The following TTLL4 variants were observed in gnomAD, a reference collection of about 807,000 sequenced individuals.
TTLL4 encodes the protein tubulin tyrosine ligase like 4, also known as tubulin monoglutamylase TTLL4.
A neutral mutation model predicts 122.7 loss-of-function variants in TTLL4; 85 were observed. The ratio of observed to expected loss-of-function variants is 0.69; its 90% CI spans 0.58 to 0.83. The LOEUF (loss-of-function observed/expected upper bound fraction) is 0.83. Among genes scored for constraint, TTLL4 ranks in the 40% least tolerant of loss-of-function variants. The pLI is 0.00. For synonymous variants in TTLL4, 553 were observed against 563.0 expected (o/e 0.98, Z 0.25); for missense variants, 1,363 against 1,488.6 (o/e 0.92, Z 1.39).
chr2:218,744,662 T>C (rs1019038091), intron 5 of TTLL4, among the ~76,000 whole-genome samples: 5 of 152,252 alleles, frequency 3.3e-5, no homozygotes, highest in Non-Finnish European at 7.3e-5. Context: ...CCCCTTTTTT[T>C]ATTTAAAAGT....
chr2:218,738,152 C>G lies in TTLL4; in HGVS notation c.476C>G (p.Ala159Gly). Residue 159 changes from alanine (A) to glycine (G), a missense_variant, in exon 3 of 20, where the codon GCC becomes GGC. Transcript: ENST00000392102. ...PQKSLPVSLT[A>G]NKATSSMVFS... is the part of the protein sequence containing the mutation. ...AAGAGCCTCCCTGTCAGTCTCACTG[C>G]CAACAAGGCCACTTCTTCCATGGTC... The G allele has an allele frequency of 6.2e-7, 1 of 1,614,118 alleles. No individual in the cohort carries two copies. The highest frequency in any genetic ancestry group is 8.5e-7 in the Non-Finnish European group (1 of 1,180,018).
chr2:218,740,528 A>G lies in TTLL4; in HGVS notation c.1605A>G (p.Ser535=). 6.2e-7 allele frequency: 1 copy of G among 1,614,200 alleles called. No individual in the cohort carries two copies. The highest frequency in any genetic ancestry group is 8.5e-7 in the Non-Finnish European group (1 of 1,180,006). The part of the protein sequence containing the change: ...RDENEEEEGD[S]ECSSLSAVSP... ...TGTTCTTCCTTCCTCTAGGAGACTC[A>G]GAGTGCTCCTCATTAAGTGCTGTCT... is the stretch of plus-strand genomic sequence containing the variant. Residue 535 remains serine, a synonymous_variant, in exon 5 of 20, where the codon TCA becomes TCG. Coordinates refer to ENST00000392102, the MANE Select transcript of TTLL4 (RefSeq NM_014640.5).
intron 1 of TTLL4, among the ~76,000 whole-genome samples, chr2:218,714,169 AG>A (rs1278868859): frequency 6.6e-6 from 1 of 152,220 alleles, no homozygotes; most frequent in African/African-American, 2.4e-5. Context: ...ACTGTGTGCC[AG>A]GCAAAGTGAG....
In TTLL4 at chr2:218,749,351, T is replaced by C; in HGVS notation, c.2699T>C (p.Leu900Pro). ...TTTGACATCATGCTAGACGAAAACC[T>C]CAAGCCCTGGGTCCTGGAAGTCAAC... ...FGFDIMLDEN[L>P]KPWVLEVNIS... The change falls in exon 14 of 20, where the codon CTC becomes CCC. Residue 900 changes from leucine (L) to proline (P), a missense_variant. Physicochemically the swap from Leu to Pro is moderately conservative, Grantham distance 98. Transcript: ENST00000392102. 6.2e-7 allele frequency: 1 copy of C among 1,614,122 alleles called. No homozygotes were observed. The highest frequency in any genetic ancestry group is 1.3e-5 in the African/African-American group (1 of 75,026).
intron 13 of TTLL4, 140 bp downstream of exon 13, chr2:218,749,074 T>G: frequency 8.0e-7 from 1 of 1,251,336 alleles, no homozygotes; most frequent in Non-Finnish European, 1.1e-6. Context: ...GTGGCCAGAG[T>G]TAAGTTCTAA....
intron 8 of TTLL4, chr2:218,746,672 A>G: frequency 2.5e-6 from 1 of 395,276 alleles, no homozygotes; most frequent in Non-Finnish European, 4.6e-6. Context: ...ATTGGAATGA[A>G]TGAGTCCCTT....
chr2:218,751,559 C>T, intron 15 of TTLL4, 145 bp from the exon 16 acceptor site: 1 of 1,330,362 alleles, frequency 7.5e-7, no homozygotes, highest in Non-Finnish European at 9.7e-7. Context: ...GCATTTTAGT[C>T]CAACCTACTA....
Position 218,738,906 on chromosome 2 carries a change from C to A in TTLL4, c.1230C>A (p.Asp410Glu). 6.2e-7 allele frequency: 1 copy of A among 1,614,176 alleles called. No homozygotes were observed. Among genetic ancestry groups the A allele is most frequent in the African/African-American group, 1.3e-5 (1 of 75,040 alleles). The change falls in exon 3 of 20, where the codon GAC becomes GAA. Residue 410 changes from aspartate (D) to glutamate (E), a missense_variant. Physicochemically the swap from Asp to Glu is conservative, Grantham distance 45. This residue lies in a region of TTLL4 where 760 missense variants were observed against 808.4 expected (regional missense o/e 0.94). Transcript: ENST00000392102. ...LPGASDTLGL[D>E]NTVFCTKRIS... ...GTGCCTCAGATACCTTGGGGTTGGACAATACAGTCTTCTGTACCAAGCGTA... is the reference window on the plus strand; with the variant it reads ...GTGCCTCAGATACCTTGGGGTTGGAAAATACAGTCTTCTGTACCAAGCGTA...
intron 1 of TTLL4, among the ~76,000 whole-genome samples, chr2:218,719,427 T>C (rs978482104): frequency 6.6e-6 from 1 of 151,852 alleles, no homozygotes; most frequent in Non-Finnish European, 1.5e-5. Context: ...GTAAATAAAA[T>C]ATGGTAAGGA....
At chr2:218,748,977 C>T (rs1942938866) in intron 13 of TTLL4, 43 bp downstream of exon 13, 1 of 1,589,894 alleles carries the variant, frequency 6.3e-7, no homozygotes, top group Non-Finnish European at 8.6e-7. Flanking sequence ...TGCTGCTGAC[C>T]CCCTCCTTTC....
chr2:218,717,072 C>G (rs575256268), intron 1 of TTLL4, among the ~76,000 whole-genome samples: 7 of 152,124 alleles, frequency 4.6e-5, no homozygotes, highest in Admixed American at 2.0e-4. Context: ...GTCTCCACCC[C>G]CCAGGCTCAG....
intron 2 of TTLL4, among the ~76,000 whole-genome samples, chr2:218,734,054 G>T (rs2162526): frequency 0.067 from 10,136 of 152,108 alleles, 416 homozygotes; most frequent in African/African-American, 0.11. Flanking sequence ...ATAATGGAGG[G>T]GATGGAGTCT....
chr2:218,755,500 T>C (rs3821035), downstream of TTLL4: 1 of 151,888 alleles, frequency 6.6e-6, no homozygotes, highest in Admixed American at 6.6e-5. Flanking sequence ...CTCATCTAGG[T>C]ATGAGAAAGT....
chr2:218,741,349 A>G (rs1162005100), intron 5 of TTLL4, among the ~76,000 whole-genome samples: 1 of 152,230 alleles, frequency 6.6e-6, no homozygotes, highest in Non-Finnish European at 1.5e-5. Flanking sequence ...AAACCTGTAT[A>G]TCACTGGGCT....
chr2:218,739,485 C>G (rs1942639482), intron 3 of TTLL4, among the ~76,000 whole-genome samples: 1 of 152,188 alleles, frequency 6.6e-6, no homozygotes, highest in Non-Finnish European at 1.5e-5. Context: ...TATTTACTCT[C>G]TGGTCCTTTA....
chr2:218,724,511 T>A (rs1035143968), intron 1 of TTLL4, among the ~76,000 whole-genome samples: 2 of 152,196 alleles, frequency 1.3e-5, no homozygotes, highest in Non-Finnish European at 2.9e-5. Flanking sequence ...CACTTATGAG[T>A]GAGAACATGC....
In TTLL4 at chr2:218,745,702, C is replaced by T; in HGVS notation, c.1798C>T (p.Pro600Ser). The change falls in exon 7 of 20, where the codon CCC becomes TCC. Residue 600 changes from proline (P) to serine (S), a missense_variant. Transcript: ENST00000392102. Reference protein sequence around the residue: ...GTRDERVEKLPWEQRKLLRWK... With the variant: ...GTRDERVEKLSWEQRKLLRWK... ...TGCATTCTTCCCAGTGGAGAAACTTCCCTGGGAACAGAGGAAGTTGCTCCG... is the reference window on the plus strand; with the variant it reads ...TGCATTCTTCCCAGTGGAGAAACTTTCCTGGGAACAGAGGAAGTTGCTCCG... The T allele has an allele frequency of 6.2e-7, 1 of 1,610,608 alleles. No homozygotes were observed. Among genetic ancestry groups the T allele is most frequent in the Non-Finnish European group, 8.5e-7 (1 of 1,178,366 alleles).
chr2:218,739,186 T>A (rs893652998), intron 3 of TTLL4, 23 bp downstream of exon 3: 2 of 1,598,672 alleles, frequency 1.3e-6, no homozygotes, highest in African/African-American at 1.3e-5. Flanking sequence ...TGTTTTTGGT[T>A]CATTTAGAGC....
In TTLL4 at chr2:218,740,048, T is replaced by A. The variant is rs776285929; in HGVS notation, c.1488-10T>A. 6.2e-7 allele frequency: 1 copy of A among 1,613,434 alleles called. No individual in the cohort carries two copies. Among genetic ancestry groups the A allele is most frequent in the Non-Finnish European group, 8.5e-7 (1 of 1,179,454 alleles). ...GTTGACTAGGCTGGGGGCATGATTC[T>A]TTCTTTTAGTTCAGCTACTGACCTC... On this transcript the variant is annotated splice_polypyrimidine_tract_variant and intron_variant, in intron 3 of 19. Coordinates refer to ENST00000392102, the MANE Select transcript of TTLL4 (RefSeq NM_014640.5).
Sources: allele counts gnomAD v4.1 joint callset (sites outside exome capture counted in the v4.1 genomes callset), GRCh38; gene constraint gnomAD v4.1.1; regional missense constraint gnomAD v4.1.1; transcripts MANE v1.5; gene names NCBI Gene and HGNC (gene_info 2026-07-23, HGNC 2026-07-21).